Variants in ATAD2B observed in about 807,000 individuals in gnomAD.
ATAD2B encodes the protein ATPase family AAA domain containing 2B.
Under a neutral mutation model 167.6 loss-of-function variants are expected in ATAD2B, and 40 were observed. The observed-to-expected ratio is 0.24, with a 90% CI of 0.19 to 0.31. ATAD2B has a LOEUF of 0.31. ATAD2B is among the 10% of genes least tolerant of loss of function. The probability of loss-of-function intolerance (pLI) is 1.00; values close to 1 mark genes in which losing one functional copy is unlikely to be tolerated. For synonymous variants in ATAD2B, 579 were observed against 596.5 expected, an observed-to-expected ratio of 0.97 and a Z score of 0.43; for missense variants, 1,242 against 1,757.2, an observed-to-expected ratio of 0.71 and a Z score of 5.24.
intron 13 of ATAD2B, among the ~76,000 whole-genome samples, chr2:23,835,871 G>A (rs1689855928): frequency 1.3e-5 from 2 of 152,056 alleles, no homozygotes. Flanking sequence ...AGGAGGTGGA[G>A]GTTGCAGTGA....
chr2:23,777,693 T>C (rs1679376375), intron 22 of ATAD2B, among the ~76,000 whole-genome samples: 1 of 152,272 alleles, frequency 6.6e-6, no homozygotes, highest in Middle Eastern at 3.4e-3. Flanking sequence ...TGATGGTATA[T>C]AGCATATGAA....
At position 23,910,563 on chromosome 2, in the gene ATAD2B, A is replaced by AT. The variant is rs567057899; in HGVS notation, c.217-14594dup. 1.3e-4 allele frequency among the ~76,000 whole-genome samples: 20 copies of AT among 151,320 alleles called. No homozygotes were observed. The South Asian group carries it at 3.3e-3, about 25-fold the overall frequency. ...TTCATTCCCAGTTGAACTGCTACGA[A>AT]TTTTTTTAAAAGAGATGGTGTCAGC... is the stretch of plus-strand genomic sequence containing the variant. On this transcript the variant is annotated intron_variant, in intron 1 of 27. Coordinates refer to ENST00000238789, the MANE Select transcript of ATAD2B (RefSeq NM_017552.4).
At chr2:23,789,107 T>A (rs762032365) in intron 19 of ATAD2B, among the ~76,000 whole-genome samples, 6 of 152,122 alleles carry the variant, frequency 3.9e-5, no homozygotes, top group Non-Finnish European at 7.4e-5. Flanking sequence ...TCTATTTCAC[T>A]GTAATCTCTG....
chr2:23,893,807 C>T (rs2150347999), intron 2 of ATAD2B, among the ~76,000 whole-genome samples: 1 of 151,684 alleles, frequency 6.6e-6, no homozygotes, highest in East Asian at 2.0e-4. Flanking sequence ...GTAGATCGGA[C>T]TACAAGCATG....
chr2:23,820,460 G>A (rs968731716), intron 16 of ATAD2B, among the ~76,000 whole-genome samples: 1 of 151,710 alleles, frequency 6.6e-6, no homozygotes, highest in Non-Finnish European at 1.5e-5. Flanking sequence ...GGAACTAACT[G>A]GAACTAAAAT....
chr2:23,795,261 T>C (rs1682420054), intron 19 of ATAD2B, among the ~76,000 whole-genome samples: 2 of 152,178 alleles, frequency 1.3e-5, no homozygotes, highest in South Asian at 4.1e-4. Flanking sequence ...ATAAACACCA[T>C]ACACATTGAT....
chr2:23,701,194 C>CTCCTTTAGCACCAGCATCTCA, the ATAD2B span, among the ~76,000 whole-genome samples: 2 of 151,910 alleles, frequency 1.3e-5, no homozygotes, highest in South Asian at 2.1e-4. Context: ...TGGCAACTAT[C>CTCCTTTAGCACCAGCATCTCA]TCAATGAGCA....
intron 8 of ATAD2B, among the ~76,000 whole-genome samples, chr2:23,870,950 T>C (rs1187137120): frequency 1.3e-5 from 2 of 152,146 alleles, no homozygotes; most frequent in Non-Finnish European, 2.9e-5. Context: ...GTATAACTCA[T>C]GACATCGCTA....
chr2:23,798,302 T>C lies in ATAD2B; in HGVS notation c.2476A>G (p.Thr826Ala). ...CAQIFREARRTVPSIVYMPHI... is the reference protein window; with the variant it reads ...CAQIFREARRAVPSIVYMPHI... ...GGCATGTAAACAATACTAGGTACTG[T>C]TCTTCGAGCTTCACGAAAAATCTAA... Residue 826 changes from threonine (T) to alanine (A), a missense_variant, in exon 19 of 28, where the codon ACA becomes GCA. Thr to Ala is a moderately conservative substitution (Grantham distance 58, BLOSUM62 0). This residue lies in a region of ATAD2B where 34 missense variants were observed against 101.1 expected (regional missense o/e 0.34). Coordinates refer to ENST00000238789, the MANE Select transcript of ATAD2B (RefSeq NM_017552.4). 1 of 1,579,042 alleles carries C rather than the reference T, an allele frequency of 6.3e-7. No individual in the cohort carries two copies.
chr2:23,770,491 T>C (rs1163470818), intron 22 of ATAD2B, among the ~76,000 whole-genome samples: 1 of 152,214 alleles, frequency 6.6e-6, no homozygotes, highest in Non-Finnish European at 1.5e-5. Flanking sequence ...GCTATAGGTT[T>C]TAAGTTCTTG....
At chr2:23,701,655 G>C in the ATAD2B span, among the ~76,000 whole-genome samples, 1 of 109,544 alleles carries the variant, frequency 9.1e-6, no homozygotes, top group African/African-American at 3.0e-5. Context: ...CAAGGCTGCA[G>C]TGAGCCATAA....
chr2:23,693,099 G>C, the ATAD2B span, among the ~76,000 whole-genome samples: 2 of 152,264 alleles, frequency 1.3e-5, no homozygotes, highest in African/African-American at 4.8e-5. Flanking sequence ...CCCAGGAGAA[G>C]GATCGAAGCC....
intron 8 of ATAD2B, chr2:23,872,630 T>G: frequency 7.4e-7 from 1 of 1,343,426 alleles, no homozygotes; most frequent in Non-Finnish European, 1.1e-6. Context: ...ATGGTCAGGC[T>G]CCATCGGAGG....
At chr2:23,730,880 C>CA in the ATAD2B span, among the ~76,000 whole-genome samples, 16 of 149,080 alleles carry the variant, frequency 1.1e-4, no homozygotes, top group South Asian at 2.2e-4. Context: ...GTAACAATAC[C>CA]AAAAAAATCC....
intron 22 of ATAD2B, among the ~76,000 whole-genome samples, chr2:23,781,709 CCTGA>C (rs1229845333): frequency 6.6e-6 from 1 of 150,898 alleles, no homozygotes; most frequent in East Asian, 1.9e-4. Flanking sequence ...CAAACATAAT[CCTGA>C]CTAATATGAA....
At chr2:23,721,377 C>G in the ATAD2B span, among the ~76,000 whole-genome samples, 1 of 152,092 alleles carries the variant, frequency 6.6e-6, no homozygotes, top group Non-Finnish European at 1.5e-5. Flanking sequence ...ATACCCGGGA[C>G]TGAAAAACAG....
At chr2:23,815,861 T>C (rs75763409) in intron 17 of ATAD2B, among the ~76,000 whole-genome samples, 3,569 of 152,316 alleles carry the variant, frequency 0.023, 144 homozygotes, top group African/African-American at 0.081. Context: ...TTTTTCCCCA[T>C]AGTACTTATC....
chr2:23,720,028 C>A, the ATAD2B span, among the ~76,000 whole-genome samples: 1 of 152,164 alleles, frequency 6.6e-6, no homozygotes, highest in Non-Finnish European at 1.5e-5. Flanking sequence ...GGGCAGCTCT[C>A]CAATCATTTA....
At chr2:23,696,599 A>C in the ATAD2B span, 3 of 1,090,322 alleles carry the variant, frequency 2.8e-6, no homozygotes, top group South Asian at 4.9e-5. This position sits in a 1 kb window ranked among gnomAD's most constrained non-coding sequence, Gnocchi z 5.5. Flanking sequence ...CCCAACACCC[A>C]CTCAGTGGCG....
Sources: allele counts gnomAD v4.1 joint callset (sites outside exome capture counted in the v4.1 genomes callset), GRCh38; gene constraint gnomAD v4.1.1; regional missense constraint gnomAD v4.1.1; non-coding constraint Gnocchi (gnomAD v3.1); transcripts MANE v1.5; gene names NCBI Gene and HGNC (gene_info 2026-07-23, HGNC 2026-07-21).